Variants in DGKB observed in about 807,000 individuals in gnomAD.
DGKB encodes diacylglycerol kinase beta, also known as 90 kDa diacylglycerol kinase.
In DGKB, 67 loss-of-function variants were observed where a neutral mutation model predicts 114.3. The ratio of observed to expected loss-of-function variants is 0.59; its 90% CI spans 0.48 to 0.72. DGKB has a LOEUF of 0.72. DGKB is among the 30% of genes least tolerant of loss of function. The probability of loss-of-function intolerance (pLI) is 0.00; values close to 1 mark genes in which losing one functional copy is unlikely to be tolerated. For synonymous variants in DGKB, 398 were observed against 323.1 expected (o/e 1.23, Z -2.49); for missense variants, 907 against 975.2 (o/e 0.93, Z 0.93).
In DGKB at chr7:14,685,343, T is replaced by C. The variant is rs1285901603; in HGVS notation, c.731A>G (p.Gln244Arg). ...GLENNVKDDG[Q>R]HVWRLKHFNK... ...AAAGTGCTTCAGTCGCCACACGTGC[T>C]GTCCATCATCCTTCACGTTCTGCAT... Residue 244 changes from glutamine (Q) to arginine (R), a missense_variant, in exon 10 of 26, where the codon CAG (glutamine) becomes CGG (arginine). Around this residue, in one of 3 missense-constraint regions of DGKB, gnomAD observed 814 missense variants for 856.6 expected, o/e 0.95. Coordinates refer to ENST00000402815, the MANE Select transcript of DGKB (RefSeq NM_001350709.2). 6.2e-7 allele frequency: 1 copy of C among 1,613,610 alleles called. No individual in the cohort carries two copies. Among genetic ancestry groups the C allele is most frequent in the African/African-American group, 1.3e-5 (1 of 75,036 alleles).
chr7:14,723,762 T>C (rs538693487), intron 5 of DGKB, among the ~76,000 whole-genome samples: 90 of 152,280 alleles, frequency 5.9e-4, no homozygotes, highest in African/African-American at 2.1e-3. Flanking sequence ...CATACACACA[T>C]ACACATTCTT....
chr7:14,295,748 C>T (rs780267730), intron 23 of DGKB, among the ~76,000 whole-genome samples: 2 of 152,032 alleles, frequency 1.3e-5, no homozygotes, highest in Admixed American at 6.6e-5. Context: ...GATACATGTG[C>T]AGAACATGCA....
chr7:14,666,979 G>T (rs567864876), intron 13 of DGKB, among the ~76,000 whole-genome samples: 31 of 152,034 alleles, frequency 2.0e-4, no homozygotes, highest in Admixed American at 1.9e-3. Context: ...AACACCATAT[G>T]ATAATAATTT....
At chr7:14,613,583 A>G (rs2462563) in intron 15 of DGKB, among the ~76,000 whole-genome samples, 170 bp from the exon 16 acceptor site, 107,819 of 137,330 alleles carry the variant, frequency 0.79, 39,201 homozygotes, top group African/African-American at 0.85. Flanking sequence ...GTGCGTGTGT[A>G]TGTGTGTGTG....
chr7:14,899,159 A>G (rs1782579553), intron 1 of DGKB, among the ~76,000 whole-genome samples: 1 of 152,142 alleles, frequency 6.6e-6, no homozygotes, highest in South Asian at 2.1e-4. Context: ...ACCTAAATGA[A>G]CCATTTTGTT....
intron 13 of DGKB, among the ~76,000 whole-genome samples, chr7:14,667,413 A>G (rs2128936900): frequency 6.6e-6 from 1 of 152,200 alleles, no homozygotes. Context: ...TAAGGAAAAA[A>G]TAAAACTAGA....
At chr7:14,451,421 T>C (rs1386601882) in intron 21 of DGKB, among the ~76,000 whole-genome samples, 3 of 152,068 alleles carry the variant, frequency 2.0e-5, no homozygotes, top group Non-Finnish European at 4.4e-5. Context: ...TCTCAGGCTA[T>C]TGGACTCAGA....
At chr7:14,566,619 C>T (rs1797420504) in intron 20 of DGKB, among the ~76,000 whole-genome samples, 1 of 152,158 alleles carries the variant, frequency 6.6e-6, no homozygotes, top group Non-Finnish European at 1.5e-5. Context: ...TGACCTACCA[C>T]TTAAAAGGCA....
Position 14,265,140 on chromosome 7 carries a change from AT to A in DGKB, c.2122+73374del, listed in dbSNP as rs35138234. ...TCTTCCTGTCTCCAATCCGGAGATC[AT>A]TTTTTTTTTTTTCACCTAAAAACAA... is the stretch of plus-strand genomic sequence containing the variant. On this transcript the variant is annotated intron_variant, in intron 23 of 25. Coordinates refer to ENST00000402815, the MANE Select transcript of DGKB (RefSeq NM_001350709.2). Among the ~76,000 whole-genome samples the A allele has an allele frequency of 5.5e-3, 787 of 142,630 alleles. 3 individuals are homozygous for A. Among genetic ancestry groups the A allele is most frequent in the African/African-American group, 0.017 (662 of 38,746 alleles). The allele number at this position is 142,630 out of a possible 152,430, so 93.6% of individuals were successfully genotyped here. A position where few individuals can be genotyped will look rare whatever the true frequency, so the allele number is the denominator to read the frequency against.
chr7:14,409,285 G>T (rs73279102), intron 21 of DGKB, among the ~76,000 whole-genome samples: 2,642 of 152,148 alleles, frequency 0.017, 79 homozygotes, highest in African/African-American at 0.061. Context: ...ATCATTCTCA[G>T]TCCTTGTGTA....
intron 21 of DGKB, among the ~76,000 whole-genome samples, chr7:14,351,396 A>T (rs1813401775): frequency 6.6e-6 from 1 of 152,214 alleles, no homozygotes; most frequent in Non-Finnish European, 1.5e-5. Flanking sequence ...CAGCAGACAG[A>T]ATGTTGGCAG....
At chr7:14,380,800 A>G (rs963182133) in intron 21 of DGKB, among the ~76,000 whole-genome samples, 1 of 152,178 alleles carries the variant, frequency 6.6e-6, no homozygotes, top group South Asian at 2.1e-4. Flanking sequence ...TTCCTTAGCA[A>G]TCAAAGCATA....
rs1491308571 is a variant in DGKB at position 14,211,327 on chromosome 7, CAT to C, written c.2123-33178_2123-33177del. ...TCTCATGTTTTGTGATATTTACTCT[CAT>C]GTTTTGTGATTTTACTCTCATGTTT... is the stretch of plus-strand genomic sequence containing the variant. On this transcript the variant is annotated intron_variant, in intron 23 of 25. Transcript: ENST00000402815. Among the ~76,000 whole-genome samples, 17 of 105,470 alleles carry C rather than the reference CAT, an allele frequency of 1.6e-4. No homozygotes were observed. In the East Asian group the frequency reaches 1.6e-3, roughly 10 times the overall value. The allele number at this position is 105,470 out of a possible 152,430, so 69.2% of individuals were successfully genotyped here. A position where few individuals can be genotyped will look rare whatever the true frequency, so the allele number is the denominator to read the frequency against.
chr7:14,917,412 C>T lies in DGKB; in HGVS notation c.-188+57284G>A, dbSNP rs1352057539. Among the ~76,000 whole-genome samples the T allele has an allele frequency of 2.6e-5, 4 of 151,838 alleles. No individual in the cohort carries two copies. The East Asian group carries it at 7.7e-4, about 29-fold the overall frequency. ...TAACAAGAGAGAGAAAGAGAAGATGCAAATTACTAACATCTGTAGCAAAAT... is the reference window on the plus strand; with the variant it reads ...TAACAAGAGAGAGAAAGAGAAGATGTAAATTACTAACATCTGTAGCAAAAT... On this transcript the variant is annotated intron_variant, in intron 1 of 4. Transcript: ENST00000437998.
chr7:14,771,951 T>C (rs761740302), intron 2 of DGKB, among the ~76,000 whole-genome samples: 1 of 152,168 alleles, frequency 6.6e-6, no homozygotes, highest in Non-Finnish European at 1.5e-5. Context: ...CACAATTCTT[T>C]ATCTTAACCT....
At chr7:14,806,236 G>T (rs1284244342) in intron 2 of DGKB, among the ~76,000 whole-genome samples, 1 of 151,926 alleles carries the variant, frequency 6.6e-6, no homozygotes, top group African/African-American at 2.4e-5. Flanking sequence ...TGTTTATAAA[G>T]ATCAAAATAT....
chr7:14,398,838 T>C (rs1176285703), intron 21 of DGKB, among the ~76,000 whole-genome samples: 1 of 151,674 alleles, frequency 6.6e-6, no homozygotes, highest in Admixed American at 6.6e-5. Context: ...AGATATTGAC[T>C]TGCAGAAGGT....
At chr7:14,891,551 G>T (rs990872212) in intron 1 of DGKB, among the ~76,000 whole-genome samples, 1 of 151,442 alleles carries the variant, frequency 6.6e-6, no homozygotes, top group Admixed American at 6.6e-5. Flanking sequence ...GTGACAATAG[G>T]TATTGCTGAA....
At chr7:14,385,289 A>C (rs1184788664) in intron 21 of DGKB, among the ~76,000 whole-genome samples, 1 of 152,156 alleles carries the variant, frequency 6.6e-6, no homozygotes, top group Admixed American at 6.5e-5. Context: ...ATCATCTGGG[A>C]GGTTCACTGT....
Sources: allele counts gnomAD v4.1 joint callset (sites outside exome capture counted in the v4.1 genomes callset), GRCh38; gene constraint gnomAD v4.1.1; regional missense constraint gnomAD v4.1.1; transcripts MANE v1.5; gene names NCBI Gene and HGNC (gene_info 2026-07-23, HGNC 2026-07-21).